Variants in UBE3D observed in about 807,000 individuals in gnomAD.
The protein encoded by UBE3D is E3 ubiquitin-protein ligase E3D.
UBE3D carries 48 observed loss-of-function variants against 49.6 expected under a neutral mutation model. That is an observed-to-expected ratio of 0.97 (90% CI 0.77 to 1.23). The LOEUF is 1.23. Ranked by LOEUF, UBE3D falls within the 50% of genes most tolerant of loss-of-function variation. The pLI is 0.00. For missense variants in UBE3D, 452 were observed against 468.4 expected, an observed-to-expected ratio of 0.96 and a Z score of 0.32; for synonymous variants, 189 against 174.2, an observed-to-expected ratio of 1.08 and a Z score of -0.67.
At chr6:83,036,273 C>T (rs1055369025) in intron 5 of UBE3D, 3 of 152,190 alleles carry the variant, frequency 2.0e-5, no homozygotes, top group African/African-American at 4.8e-5. Flanking sequence ...ATCTGCCCAT[C>T]TCGGCCTCCC....
chr6:83,042,895 A>G (rs1782771127), intron 4 of UBE3D, among the ~76,000 whole-genome samples: 1 of 152,090 alleles, frequency 6.6e-6, no homozygotes, highest in South Asian at 2.1e-4. Flanking sequence ...CAGTCCCTCC[A>G]AATTTATGTT....
intron 9 of UBE3D, among the ~76,000 whole-genome samples, chr6:82,956,472 G>A (rs145939440): frequency 1.2e-3 from 190 of 152,288 alleles, no homozygotes; most frequent in African/African-American, 4.4e-3. Flanking sequence ...GTTAGACTAG[G>A]AGAACAAATA....
At chr6:82,921,905 T>C (rs1280679470) in intron 9 of UBE3D, among the ~76,000 whole-genome samples, 1 of 152,134 alleles carries the variant, frequency 6.6e-6, no homozygotes, top group South Asian at 2.1e-4. Context: ...ATATAATATG[T>C]ATAAACAAAT....
At chr6:83,049,685 GGCTGACACCTAGCACT>G in intron 3 of UBE3D, 1 of 462,226 alleles carries the variant, frequency 2.2e-6, no homozygotes, top group East Asian at 7.1e-5. Flanking sequence ...ATGAGATCTA[GGCTGACACCTAGCACT>G]ACCTTACCAG....
At chr6:82,884,762 A>C in the UBE3D span, among the ~76,000 whole-genome samples, 32 of 152,194 alleles carry the variant, frequency 2.1e-4, 1 homozygote, top group African/African-American at 7.0e-4. Flanking sequence ...CTGAGAAGGA[A>C]AATGCATGGG....
At chr6:82,881,615 C>A in the UBE3D span, among the ~76,000 whole-genome samples, 1 of 152,180 alleles carries the variant, frequency 6.6e-6, no homozygotes, top group South Asian at 2.1e-4. Flanking sequence ...AGGCTGAGTG[C>A]TCTACAGTTT....
At chr6:82,984,833 T>C (rs1408782505) in intron 8 of UBE3D, among the ~76,000 whole-genome samples, 1 of 151,992 alleles carries the variant, frequency 6.6e-6, no homozygotes, top group Non-Finnish European at 1.5e-5. Context: ...TTTATTTAGA[T>C]ACAGGGTTTC....
chr6:83,063,523 A>G (rs532050813), intron 1 of UBE3D, among the ~76,000 whole-genome samples: 20 of 152,196 alleles, frequency 1.3e-4, no homozygotes, highest in Non-Finnish European at 2.5e-4. Context: ...GTTTTGAGAC[A>G]GTATAAAGAA....
At chr6:82,957,762 A>T (rs747996650) in intron 8 of UBE3D, among the ~76,000 whole-genome samples, 1 of 152,142 alleles carries the variant, frequency 6.6e-6, no homozygotes, top group Non-Finnish European at 1.5e-5. Flanking sequence ...TAACACACTG[A>T]ATGCTTCCTA....
intron 9 of UBE3D, among the ~76,000 whole-genome samples, chr6:82,951,659 T>C (rs1775807174): frequency 6.6e-6 from 1 of 152,146 alleles, no homozygotes; most frequent in African/African-American, 2.4e-5. Context: ...TGAGTGCCAG[T>C]TGAAATAGAA....
chr6:82,905,683 T>C (rs1772049663), intron 9 of UBE3D, among the ~76,000 whole-genome samples: 1 of 152,102 alleles, frequency 6.6e-6, no homozygotes, highest in Admixed American at 6.6e-5. Flanking sequence ...CACTGCAACA[T>C]ACCAACAAAC....
chr6:83,001,617 T>C (rs1779642143), intron 8 of UBE3D, among the ~76,000 whole-genome samples: 2 of 151,332 alleles, frequency 1.3e-5, no homozygotes, highest in Non-Finnish European at 2.9e-5. Context: ...GCAATCAAGA[T>C]GGTAACAGGA....
intron 9 of UBE3D, among the ~76,000 whole-genome samples, chr6:82,901,427 C>T (rs562730354): frequency 7.5e-4 from 114 of 152,250 alleles, no homozygotes; most frequent in African/African-American, 2.5e-3. Flanking sequence ...CATTTGAGAA[C>T]GTGTTAAAAA....
chr6:82,985,673 T>C (rs1257575296), intron 8 of UBE3D, among the ~76,000 whole-genome samples: 1 of 152,204 alleles, frequency 6.6e-6, no homozygotes, highest in African/African-American at 2.4e-5. Flanking sequence ...TGTGGTTTTC[T>C]TTTTAAACCT....
chr6:83,027,434 C>CATAAAAAAAAAAAAAAA (rs1781549840), intron 5 of UBE3D, among the ~76,000 whole-genome samples: 1 of 34,646 alleles, frequency 2.9e-5, no homozygotes, highest in Admixed American at 4.5e-4. Context: ...GACTCCGTCT[C>CATAAAAAAAAAAAAAAA]AAAAAAAAAA....
intron 8 of UBE3D, among the ~76,000 whole-genome samples, chr6:82,981,294 A>G (rs538302588): frequency 6.6e-6 from 1 of 152,236 alleles, no homozygotes; most frequent in Non-Finnish European, 1.5e-5. Flanking sequence ...TGTGAATATC[A>G]AAGAATGTAT....
intron 3 of UBE3D, among the ~76,000 whole-genome samples, chr6:83,046,673 G>GGT (rs1281511342): frequency 3.2e-4 from 4 of 12,534 alleles, no homozygotes; most frequent in South Asian, 4.8e-3. Context: ...TGCAGTTGGC[G>GGT]GGGGGGGTGG....
At chr6:82,979,209 T>C (rs1237704604) in intron 8 of UBE3D, among the ~76,000 whole-genome samples, 17 of 152,222 alleles carry the variant, frequency 1.1e-4, no homozygotes, top group Non-Finnish European at 1.5e-5. Context: ...ACTTGCTAAA[T>C]GATTTTTTTT....
chr6:82,992,023 A>G lies in UBE3D; in HGVS notation c.1010+26950T>C, dbSNP rs187605463. ...AAAAACAAAAAACAAAAATCCCGAA[A>G]AGTTTAAAGTTTTTATTACATTTTC... is the stretch of plus-strand genomic sequence containing the variant. On this transcript the variant is annotated intron_variant, in intron 8 of 9. Coordinates refer to ENST00000369747, the MANE Select transcript of UBE3D (RefSeq NM_198920.3). Among the ~76,000 whole-genome samples, 33 of 152,236 alleles carry G rather than the reference A, an allele frequency of 2.2e-4. 1 individual carries two copies. The highest frequency in any genetic ancestry group is 7.2e-4 in the African/African-American group (30 of 41,570).
Sources: allele counts gnomAD v4.1 joint callset (sites outside exome capture counted in the v4.1 genomes callset), GRCh38; gene constraint gnomAD v4.1.1; transcripts MANE v1.5; gene names NCBI Gene and HGNC (gene_info 2026-07-23, HGNC 2026-07-21).